CEP85L: variants seen among roughly 807,000 people sequenced by gnomAD.
CEP85L encodes centrosomal protein 85L.
In CEP85L, 60 loss-of-function variants were observed where a neutral mutation model predicts 100.3. That is an observed-to-expected ratio of 0.60 (90% CI 0.49 to 0.74). CEP85L has a LOEUF of 0.74. CEP85L is among the 30% of genes least tolerant of loss of function. The pLI, the probability that CEP85L is intolerant of heterozygous loss-of-function variation, is 0.00. For missense variants in CEP85L, 973 were observed against 936.2 expected (o/e 1.04, Z -0.51); for synonymous variants, 319 against 322.7 (o/e 0.99, Z 0.12).
chr6:118,540,623 G>A (rs1404799393), intron 3 of CEP85L, among the ~76,000 whole-genome samples: 2 of 151,978 alleles, frequency 1.3e-5, no homozygotes, highest in Non-Finnish European at 2.9e-5. Flanking sequence ...TGGGTGTGGT[G>A]ATGCACACCT....
In CEP85L at chr6:118,562,347, T is replaced by C. The variant is rs557830028; in HGVS notation, c.1020+3182A>G. The stretch of plus-strand genomic sequence containing the variant: ...AGACAAAAAACAAGTCATTTTACTT[T>C]AACTCATTTTATCAATTTTTTTTTT... On this transcript the variant is annotated intron_variant, in intron 3 of 12. Transcript: ENST00000368491. Among the ~76,000 whole-genome samples, 4 of 152,258 alleles carry C rather than the reference T, an allele frequency of 2.6e-5. No individual in the cohort carries two copies. The South Asian group carries it at 8.3e-4, about 32-fold the overall frequency.
intron 3 of CEP85L, among the ~76,000 whole-genome samples, chr6:118,538,484 A>G (rs1405183804): frequency 1.3e-5 from 2 of 152,066 alleles, no homozygotes; most frequent in Admixed American, 6.6e-5. Flanking sequence ...CCAACATGCT[A>G]AACAACTAAA....
chr6:118,701,782 A>G (rs918303797), intron 1 of CEP85L, among the ~76,000 whole-genome samples: 4 of 151,266 alleles, frequency 2.6e-5, no homozygotes, highest in African/African-American at 9.7e-5. Context: ...TTAAAGTTGG[A>G]AAAAAAACAA....
intron 2 of CEP85L, among the ~76,000 whole-genome samples, chr6:118,606,629 C>T (rs1474722481): frequency 6.6e-6 from 1 of 152,196 alleles, no homozygotes; most frequent in Non-Finnish European, 1.5e-5. Context: ...GGTCAAGCTC[C>T]CAAGGACGTA....
intron 1 of CEP85L, among the ~76,000 whole-genome samples, chr6:118,703,556 G>A (rs77693779): frequency 0.015 from 2,234 of 152,302 alleles, 37 homozygotes; most frequent in Middle Eastern, 0.061. Flanking sequence ...TATTTTATAT[G>A]CAGAAAAACA....
chr6:118,702,041 C>T (rs1027199022), intron 1 of CEP85L, among the ~76,000 whole-genome samples: 5 of 152,032 alleles, frequency 3.3e-5, no homozygotes, highest in Non-Finnish European at 7.4e-5. Flanking sequence ...AATGCTCAAT[C>T]TTGGAAATAC....
chr6:118,707,283 C>T (rs1296399157), intron 1 of CEP85L, among the ~76,000 whole-genome samples: 1 of 152,016 alleles, frequency 6.6e-6, no homozygotes, highest in Non-Finnish European at 1.5e-5. Context: ...CTCAACTTCC[C>T]AGGCTCAGAT....
chr6:118,533,734 G>C (rs1777424508), intron 3 of CEP85L, among the ~76,000 whole-genome samples: 1 of 152,124 alleles, frequency 6.6e-6, no homozygotes, highest in Non-Finnish European at 1.5e-5. Context: ...TCCAGACATA[G>C]AGCTATACAT....
chr6:118,686,650 C>A (rs1221958781), intron 1 of CEP85L, among the ~76,000 whole-genome samples: 1 of 152,154 alleles, frequency 6.6e-6, no homozygotes, highest in African/African-American at 2.4e-5. Context: ...CACCTTTTGG[C>A]TATTATAAGT....
chr6:118,652,774 C>T (rs1327339647), upstream of CEP85L: 19 of 1,527,808 alleles, frequency 1.2e-5, no homozygotes, highest in African/African-American at 2.8e-5. Context: ...ATTATTTCTC[C>T]AAATCATGTA....
intron 2 of CEP85L, among the ~76,000 whole-genome samples, chr6:118,581,007 C>T (rs1361410045): frequency 2.6e-5 from 4 of 152,186 alleles, no homozygotes; most frequent in African/African-American, 7.2e-5. Flanking sequence ...TCTAAGCCAA[C>T]AGTGCCACCT....
intron 2 of CEP85L, among the ~76,000 whole-genome samples, chr6:118,576,773 A>G (rs750846118): frequency 6.6e-6 from 1 of 152,194 alleles, no homozygotes; most frequent in Non-Finnish European, 1.5e-5. Context: ...CTGTCAATCT[A>G]ATCATTGCAA....
chr6:118,558,648 CACACACACACACAGAGAGAG>C, intron 3 of CEP85L, among the ~76,000 whole-genome samples: 1 of 137,264 alleles, frequency 7.3e-6, no homozygotes, highest in East Asian at 2.0e-4. Flanking sequence ...CACACACACA[CACACACACACACAGAGAGAG>C]AGAGAGAGAG....
intron 2 of CEP85L, among the ~76,000 whole-genome samples, chr6:118,631,528 T>C (rs898298816): frequency 6.6e-6 from 1 of 152,228 alleles, no homozygotes; most frequent in Non-Finnish European, 1.5e-5. Flanking sequence ...CACATGTTTA[T>C]AGCAACTTTA....
intron 2 of CEP85L, among the ~76,000 whole-genome samples, chr6:118,594,572 CTA>C (rs1455232803): frequency 5.3e-5 from 8 of 152,030 alleles, no homozygotes; most frequent in Non-Finnish European, 1.2e-4. Flanking sequence ...ACATTAAAAA[CTA>C]TATTTAAGAA....
chr6:118,635,007 T>A (rs1371849139), intron 1 of CEP85L, among the ~76,000 whole-genome samples: 2 of 152,222 alleles, frequency 1.3e-5, no homozygotes, highest in African/African-American at 4.8e-5. Flanking sequence ...AAAGAAAGAC[T>A]GGTGTCAACC....
Position 118,463,796 on chromosome 6 carries a change from A to G in CEP85L, c.*1609T>C, listed in dbSNP as rs1772348771. The stretch of plus-strand genomic sequence containing the variant: ...TAACTGATTATTCAACTATAACTAT[A>G]AAATAATCTATTGAGAGCTGTATAG... On this transcript the variant is annotated 3_prime_UTR_variant, in exon 13 of 13. Coordinates refer to ENST00000368491, the MANE Select transcript of CEP85L (RefSeq NM_001042475.3). 6.6e-6 allele frequency: 1 copy of G among 152,110 alleles called. No individual in the cohort carries two copies. Among genetic ancestry groups the G allele is most frequent in the Admixed American group, 6.6e-5 (1 of 15,252 alleles). The allele number at this position is 152,110 out of a possible 1,614,324, so 9.4% of individuals were successfully genotyped here. A position where few individuals can be genotyped will look rare whatever the true frequency, so the allele number is the denominator to read the frequency against.
At chr6:118,533,158 CA>C (rs1777385968) in intron 3 of CEP85L, among the ~76,000 whole-genome samples, 1 of 151,504 alleles carries the variant, frequency 6.6e-6, no homozygotes, top group South Asian at 2.1e-4. Context: ...GAGTTTAAAA[CA>C]GAAAAAAACA....
At position 118,600,369 on chromosome 6, in the gene CEP85L, GT is replaced by G. The variant is rs1562298172; in HGVS notation, c.232+32083del. Among the ~76,000 whole-genome samples the G allele has an allele frequency of 9.3e-3, 1,145 of 122,822 alleles. 238 individuals carry two copies. Among genetic ancestry groups the G allele is most frequent in the African/African-American group, 0.023 (749 of 32,348 alleles). 80.6% of individuals were successfully genotyped at this position (122,822 alleles called of 152,430 possible). On this transcript the variant is annotated intron_variant, in intron 2 of 12. Coordinates refer to ENST00000368491, the MANE Select transcript of CEP85L (RefSeq NM_001042475.3). ...TGTGTGTGTGTGTGTGTGTGTGTGT[GT>G]AACGCCATGGAGCAATCTCAGCTCA... is the stretch of plus-strand genomic sequence containing the variant.
Sources: allele counts gnomAD v4.1 joint callset (sites outside exome capture counted in the v4.1 genomes callset), GRCh38; gene constraint gnomAD v4.1.1; transcripts MANE v1.5; gene names NCBI Gene and HGNC (gene_info 2026-07-23, HGNC 2026-07-21).